SYCP1: variants seen among roughly 807,000 people sequenced by gnomAD.
SYCP1 encodes synaptonemal complex protein 1.
SYCP1 carries 64 observed loss-of-function variants against 153.1 expected under a neutral mutation model. The ratio of observed to expected loss-of-function variants is 0.42; its 90% CI spans 0.34 to 0.51. The LOEUF is 0.51. Among genes scored for constraint, SYCP1 ranks in the 20% least tolerant of loss-of-function variants. The probability of loss-of-function intolerance (pLI) is 0.06; values close to 1 mark genes in which losing one functional copy is unlikely to be tolerated. For missense variants in SYCP1, 997 were observed against 1,049.0 expected (o/e 0.95, Z 0.68); for synonymous variants, 384 against 341.8 (o/e 1.12, Z -1.36).
chr1:114,911,500 A>C lies in SYCP1; in HGVS notation c.1447A>C (p.Ile483Leu), dbSNP rs1156739130. The change falls in exon 18 of 32, where the codon ATA becomes CTA. Residue 483 changes from isoleucine to leucine, a missense_variant. Physicochemically the swap from Ile to Leu is conservative, Grantham distance 5. Around this residue, in one of 2 missense-constraint regions of SYCP1, gnomAD observed 712 missense variants for 682.9 expected, o/e 1.04. Transcript: ENST00000369522. ...AREKEVHDLE[I>L]QLTAITTSEQ... ...GCAGAAAGAAGTACATGATTTGGAAATACAGTTAACTGCCATTACCACAAG... is the reference window on the plus strand; with the variant it reads ...GCAGAAAGAAGTACATGATTTGGAACTACAGTTAACTGCCATTACCACAAG... The C allele has an allele frequency of 1.9e-6, 3 of 1,556,368 alleles. No individual in the cohort carries two copies. Among genetic ancestry groups the C allele is most frequent in the Admixed American group, 4.0e-5 (2 of 49,974 alleles).
chr1:114,933,752 T>C (rs1457498661), intron 23 of SYCP1, among the ~76,000 whole-genome samples: 1 of 152,114 alleles, frequency 6.6e-6, no homozygotes, highest in Non-Finnish European at 1.5e-5. Flanking sequence ...AACTATGTGA[T>C]GCATGCATGC....
At chr1:114,895,389 T>G in intron 15 of SYCP1, 59 bp from the exon 16 acceptor site, 1 of 1,146,432 alleles carries the variant, frequency 8.7e-7, no homozygotes, top group South Asian at 1.6e-5. Flanking sequence ...GTTCCTTCTG[T>G]CTCTTTTCCT....
At chr1:114,867,035 A>T (rs1442865518) in intron 8 of SYCP1, among the ~76,000 whole-genome samples, 2 of 149,016 alleles carry the variant, frequency 1.3e-5, no homozygotes, top group African/African-American at 4.9e-5. Context: ...TCTATTTGTT[A>T]CTCCTTTGTC....
intron 23 of SYCP1, among the ~76,000 whole-genome samples, chr1:114,931,975 C>T (rs1669662545): frequency 6.6e-6 from 1 of 151,984 alleles, no homozygotes; most frequent in South Asian, 2.1e-4. Flanking sequence ...GAAAGTCTTT[C>T]AACAAATGAT....
intron 15 of SYCP1, among the ~76,000 whole-genome samples, chr1:114,888,742 A>T (rs1010893242): frequency 6.6e-6 from 1 of 152,100 alleles, no homozygotes; most frequent in Non-Finnish European, 1.5e-5. Context: ...TCTAGGGTAC[A>T]TGTGCACAAC....
chr1:114,978,846 T>C (rs948307698), intron 28 of SYCP1, among the ~76,000 whole-genome samples: 1 of 151,648 alleles, frequency 6.6e-6, no homozygotes, highest in Non-Finnish European at 1.5e-5. Flanking sequence ...ATAATAAAAT[T>C]ATGCAGAATG....
intron 27 of SYCP1, among the ~76,000 whole-genome samples, chr1:114,960,927 T>C (rs1671744634): frequency 6.6e-6 from 1 of 152,212 alleles, no homozygotes; most frequent in Non-Finnish European, 1.5e-5. Flanking sequence ...TCAGTAGGAT[T>C]GGTGCCAATT....
intron 23 of SYCP1, among the ~76,000 whole-genome samples, chr1:114,941,078 C>T (rs2101806734): frequency 6.6e-6 from 1 of 152,028 alleles, no homozygotes; most frequent in East Asian, 1.9e-4. Context: ...CCAGGAATAC[C>T]AAAATCTGCG....
rs555677051 is a variant in SYCP1, at chr1:114,954,254, A to G, written c.2322+6934A>G. 1.2e-3 allele frequency among the ~76,000 whole-genome samples: 190 copies of G among 152,194 alleles called. 2 individuals carry two copies. Among genetic ancestry groups the G allele is most frequent in the African/African-American group, 4.3e-3 (180 of 41,562 alleles). ...TCTTTTAGCAATTTTAAAATATGCA[A>G]TATCTTATTATTAGTGGTGGTCATC... On this transcript the variant is annotated intron_variant, in intron 27 of 31. Transcript: ENST00000369522.
At chr1:114,874,318 T>C (rs1665370186) in intron 8 of SYCP1, among the ~76,000 whole-genome samples, 188 bp from the exon 9 acceptor site, 1 of 152,202 alleles carries the variant, frequency 6.6e-6, no homozygotes, top group Non-Finnish European at 1.5e-5. Context: ...CTAAGCTTCT[T>C]CACAACAGAC....
rs1045592784 is a variant in SYCP1, at chr1:114,978,636, A to T, written c.2382+1020A>T. 5.9e-5 allele frequency among the ~76,000 whole-genome samples: 9 copies of T among 151,662 alleles called. No homozygotes were observed. In the South Asian group the frequency reaches 1.9e-3, roughly 31 times the overall value. On this transcript the variant is annotated intron_variant, in intron 28 of 31. Transcript: ENST00000369522. ...GATATAATCTCCTAAGTTCCCACAG[A>T]GGTTGCTCTGATTATAGTTAAACTG...
chr1:114,871,782 C>T (rs1023794194), intron 8 of SYCP1, among the ~76,000 whole-genome samples: 6 of 151,272 alleles, frequency 4.0e-5, no homozygotes, highest in African/African-American at 1.2e-4. Context: ...GATGGATTTT[C>T]GCCATGTTGG....
intron 27 of SYCP1, among the ~76,000 whole-genome samples, chr1:114,954,481 C>A (rs1671307030): frequency 1.3e-5 from 2 of 151,458 alleles, no homozygotes; most frequent in Non-Finnish European, 2.9e-5. Flanking sequence ...AAGGATGAAG[C>A]ACTAATATTA....
chr1:114,883,091 T>A (rs1666066622), intron 12 of SYCP1, among the ~76,000 whole-genome samples: 1 of 152,200 alleles, frequency 6.6e-6, no homozygotes, highest in Non-Finnish European at 1.5e-5. Context: ...TAGGTTTCTA[T>A]TTTCTCTTCA....
chr1:114,912,732 T>C (rs1308645898), intron 18 of SYCP1, among the ~76,000 whole-genome samples: 1 of 152,092 alleles, frequency 6.6e-6, no homozygotes, highest in Non-Finnish European at 1.5e-5. Context: ...GAAAATAATG[T>C]GCTCTTCAAA....
intron 27 of SYCP1, among the ~76,000 whole-genome samples, chr1:114,966,216 T>A (rs1672117456): frequency 6.6e-6 from 1 of 152,162 alleles, no homozygotes; most frequent in Non-Finnish European, 1.5e-5. Flanking sequence ...TTATTGTGTC[T>A]ATTTGATTTT....
At chr1:114,938,637 C>T (rs1670187661) in intron 23 of SYCP1, among the ~76,000 whole-genome samples, 1 of 151,846 alleles carries the variant, frequency 6.6e-6, no homozygotes, top group Non-Finnish European at 1.5e-5. Context: ...CTATACCCTC[C>T]TCTTCAATAT....
In SYCP1 at chr1:114,912,907, C is replaced by A. The variant is rs915392751; in HGVS notation, c.1530-126C>A. The stretch of plus-strand genomic sequence containing the variant: ...GCTTCAGGAATTATAAACCAATAGT[C>A]AATTTTGTTTCATGTTTTTCCCCCA... On this transcript the variant is annotated intron_variant, in intron 18 of 31. Coordinates refer to ENST00000369522, the MANE Select transcript of SYCP1 (RefSeq NM_003176.4). 23 of 622,930 alleles carry A rather than the reference C, an allele frequency of 3.7e-5. No individual in the cohort carries two copies. In the Admixed American group the frequency reaches 6.6e-4, roughly 18 times the overall value. The allele number at this position is 622,930 out of a possible 1,614,324, so 38.6% of individuals were successfully genotyped here.
At chr1:114,931,662 A>T (rs1669644058) in intron 23 of SYCP1, among the ~76,000 whole-genome samples, 1 of 152,182 alleles carries the variant, frequency 6.6e-6, no homozygotes, top group African/African-American at 2.4e-5. Context: ...CACTGAATTC[A>T]TCTAGAGATT....
Sources: gnomAD v4.1 joint callset for allele counts (sites outside exome capture counted in the v4.1 genomes callset) on GRCh38, gnomAD v4.1.1 for gene constraint, gnomAD v4.1.1 regional missense constraint, MANE v1.5 for transcripts, NCBI Gene and HGNC (gene_info 2026-07-23, HGNC 2026-07-21) for gene names.